The following VPS13C variants were observed in gnomAD, a reference collection of about 807,000 sequenced individuals.
The protein encoded by VPS13C is vacuolar protein sorting 13 homolog C, also known as intermembrane lipid transfer protein VPS13C.
A neutral mutation model predicts 456.8 loss-of-function variants in VPS13C; 358 were observed. That is an observed-to-expected ratio of 0.78 (90% CI 0.72 to 0.86). The LOEUF is 0.86. VPS13C is among the 40% of genes least tolerant of loss of function. VPS13C has a pLI of 0.00. For synonymous variants in VPS13C, 1,578 were observed against 1,486.7 expected (o/e 1.06, Z -1.41); for missense variants, 4,818 against 4,385.4 (o/e 1.10, Z -2.79).
intron 67 of VPS13C, among the ~76,000 whole-genome samples, chr15:61,886,517 T>C (rs1374434556): frequency 1.3e-5 from 2 of 152,110 alleles, no homozygotes; most frequent in East Asian, 3.9e-4. Context: ...TGCAGAACAA[T>C]ATGCACTAAC....
At chr15:61,877,600 T>C (rs918433321) in intron 74 of VPS13C, among the ~76,000 whole-genome samples, 4 of 151,680 alleles carry the variant, frequency 2.6e-5, no homozygotes, top group African/African-American at 9.7e-5. Flanking sequence ...GTTAGATTAC[T>C]TTTTGGAAAG....
intron 16 of VPS13C, among the ~76,000 whole-genome samples, chr15:61,997,468 C>T (rs1028697484): frequency 6.6e-6 from 1 of 152,132 alleles, no homozygotes; most frequent in African/African-American, 2.4e-5. Flanking sequence ...GACTCCTCTT[C>T]TGAACTCCAC....
At chr15:61,989,170 C>T (rs1355212456) in intron 18 of VPS13C, among the ~76,000 whole-genome samples, 1 of 151,412 alleles carries the variant, frequency 6.6e-6, no homozygotes, top group Non-Finnish European at 1.5e-5. Flanking sequence ...GCAAGCAGGT[C>T]GCTTGAGCTC....
chr15:61,966,097 C>A lies in VPS13C; in HGVS notation c.3037G>T (p.Glu1013Ter). ...PSFQTAFGKT[E>*]QTVKVAFSSL... ...GAATTTCTTACCTTAACTGTTTGTT[C>A]AGTTTTTCCAAAAGCAGTTTGAAAA... is the stretch of plus-strand genomic sequence containing the variant. The change falls in exon 30 of 85, where the codon GAA becomes TAA. Residue 1013 changes from glutamate (E) to a stop codon, truncating the protein, a stop_gained. Transcript: ENST00000644861. LOFTEE classifies it high-confidence loss of function. The A allele has an allele frequency of 1.2e-6, 2 of 1,602,368 alleles. No individual in the cohort carries two copies. The highest frequency in any genetic ancestry group is 2.2e-5 in the South Asian group (2 of 88,974).
intron 9 of VPS13C, among the ~76,000 whole-genome samples, chr15:62,015,926 A>T: frequency 7.4e-6 from 1 of 134,690 alleles, no homozygotes. Context: ...TAAAACTTAG[A>T]GTATAATAAA....
intron 22 of VPS13C, among the ~76,000 whole-genome samples, chr15:61,979,013 G>T (rs1945505987): frequency 1.3e-5 from 2 of 152,128 alleles, no homozygotes; most frequent in Admixed American, 1.3e-4. Context: ...AACTTGTCTA[G>T]ATGTACAACT....
chr15:61,890,666 T>G (rs145752392), intron 66 of VPS13C, among the ~76,000 whole-genome samples: 20 of 152,268 alleles, frequency 1.3e-4, no homozygotes, highest in Non-Finnish European at 2.8e-4. Flanking sequence ...CAGAGCAGGA[T>G]TCAAGAGGAT....
At chr15:61,907,737 A>G (rs147160403) in intron 65 of VPS13C, among the ~76,000 whole-genome samples, 1 of 152,292 alleles carries the variant, frequency 6.6e-6, no homozygotes, top group Non-Finnish European at 1.5e-5. Context: ...ACTTCTATTC[A>G]GTGCTTAAAT....
intron 6 of VPS13C, among the ~76,000 whole-genome samples, chr15:62,024,532 C>T (rs1350054990): frequency 6.6e-6 from 1 of 152,072 alleles, no homozygotes; most frequent in South Asian, 2.1e-4. Context: ...CCACCCTGAA[C>T]TCTTGAGGCA....
intron 42 of VPS13C, among the ~76,000 whole-genome samples, chr15:61,948,587 G>T (rs2044684790): frequency 6.6e-6 from 1 of 151,954 alleles, no homozygotes. Context: ...GGAGGCTGAG[G>T]CAAGAAAATT....
rs974289105 is a variant in VPS13C at position 61,853,160 on chromosome 15, A to G, written c.*1297T>C. On this transcript the variant is annotated 3_prime_UTR_variant, in exon 85 of 85. Coordinates refer to ENST00000644861, the MANE Select transcript of VPS13C (RefSeq NM_020821.3). ...TGATTCTCACAGGGCCTGCTCCCTC[A>G]CAGAACACAGTGTCATTATATATGC... 1.3e-5 allele frequency: 2 copies of G among 152,204 alleles called. No homozygotes were observed. The highest frequency in any genetic ancestry group is 4.8e-5 in the African/African-American group (2 of 41,458). The allele number at this position is 152,204 out of a possible 1,614,324, so 9.4% of individuals were successfully genotyped here.
intron 18 of VPS13C, among the ~76,000 whole-genome samples, chr15:61,986,545 A>T (rs2046061461): frequency 1.3e-5 from 2 of 152,174 alleles, no homozygotes. Flanking sequence ...GAAGAACCAA[A>T]GGATGAAGGA....
intron 50 of VPS13C, among the ~76,000 whole-genome samples, chr15:61,930,194 G>A (rs941375012): frequency 1.3e-5 from 2 of 152,136 alleles, no homozygotes; most frequent in African/African-American, 4.8e-5. Flanking sequence ...ACGAAAATTT[G>A]AGTCTGAAAG....
chr15:61,911,966 T>G lies in VPS13C; in HGVS notation c.8589A>C (p.Ser2863=). ...AAAAGGGAGTCAGGGTAACTATTCG[T>G]GAAAGGTTGAAACTGCTCATTTTGA... ...VSIKMSSFNL[S]RIVTLTPFCT... Residue 2863 remains serine, a synonymous_variant, in exon 63 of 85, where the codon TCA becomes TCC. Transcript: ENST00000644861. 1.9e-6 allele frequency: 3 copies of G among 1,611,030 alleles called. No homozygotes were observed. Among genetic ancestry groups the G allele is most frequent in the Non-Finnish European group, 2.5e-6 (3 of 1,178,480 alleles).
In VPS13C at chr15:61,927,106, C is replaced by T. The variant is rs1329447685; in HGVS notation, c.6501G>A (p.Gly2167=). The T allele has an allele frequency of 1.2e-6, 2 of 1,613,922 alleles. No individual in the cohort carries two copies. The highest frequency in any genetic ancestry group is 1.7e-6 in the Non-Finnish European group (2 of 1,179,960). The change falls in exon 52 of 85, where the codon GGG becomes GGA. Residue 2167 remains glycine, a synonymous_variant. Transcript: ENST00000644861. The part of the protein sequence containing the change: ...LACPFLREKR[G]KNITTVLQPC... Reference sequence around the variant, plus strand: ...TAATTCTTACTGTGGTAATGTTTTTCCCTCTCTTTTCTCTGAGAAAAGGGC... The same window carrying T: ...TAATTCTTACTGTGGTAATGTTTTTTCCTCTCTTTTCTCTGAGAAAAGGGC...
intron 44 of VPS13C, 27 bp downstream of exon 44, chr15:61,946,280 C>A: frequency 1.3e-6 from 2 of 1,516,086 alleles, no homozygotes; most frequent in Non-Finnish European, 8.9e-7. Flanking sequence ...AAATAAATTC[C>A]AATATAAAAA....
Position 62,037,286 on chromosome 15 carries a change from T to TAA in VPS13C, c.188-2235_188-2234insTT. On this transcript the variant is annotated intron_variant, in intron 3 of 84. Transcript: ENST00000644861. ...ATTATATTATATAATATATTATATA[T>TAA]ATTATATTATATAATATATATATAA... Among the ~76,000 whole-genome samples the TAA allele has an allele frequency of 4.0e-5, 2 of 50,148 alleles. 1 individual carries two copies. Among genetic ancestry groups the TAA allele is most frequent in the Non-Finnish European group, 6.9e-5 (2 of 28,930 alleles). 32.9% of individuals were successfully genotyped at this position (50,148 alleles called of 152,430 possible).
chr15:61,995,280 C>G (rs1194834054), intron 16 of VPS13C, among the ~76,000 whole-genome samples: 1 of 152,132 alleles, frequency 6.6e-6, no homozygotes, highest in African/African-American at 2.4e-5. Context: ...GTAAGCAAAG[C>G]AGGCAAATAG....
At chr15:61,886,455 A>C (rs1896278339) in intron 67 of VPS13C, among the ~76,000 whole-genome samples, 1 of 152,132 alleles carries the variant, frequency 6.6e-6, no homozygotes, top group Non-Finnish European at 1.5e-5. Flanking sequence ...TTCAAAGTTC[A>C]CTTTTCTCTT....
Sources: allele counts gnomAD v4.1 joint callset (sites outside exome capture counted in the v4.1 genomes callset), GRCh38; gene constraint gnomAD v4.1.1; transcripts MANE v1.5; gene names NCBI Gene and HGNC (gene_info 2026-07-23, HGNC 2026-07-21).